Variants in PRPF38A observed in about 807,000 individuals in gnomAD.
PRPF38A encodes the protein pre-mRNA-splicing factor 38A.
Under a neutral mutation model 46.8 loss-of-function variants are expected in PRPF38A, and 11 were observed. That is an observed-to-expected ratio of 0.24 (90% CI 0.15 to 0.39). The LOEUF (loss-of-function observed/expected upper bound fraction) is 0.39. Among genes scored for constraint, PRPF38A ranks in the 10% least tolerant of loss-of-function variants. The probability of loss-of-function intolerance (pLI) is 1.00; values close to 1 mark genes in which losing one functional copy is unlikely to be tolerated. For missense variants in PRPF38A, 261 were observed against 407.5 expected (o/e 0.64, Z 3.10); for synonymous variants, 124 against 136.2 (o/e 0.91, Z 0.62).
Position 52,418,213 on chromosome 1 carries a change from G to A in PRPF38A, c.*1523G>A, listed in dbSNP as rs575641697. 15 of 152,606 alleles carry A rather than the reference G, an allele frequency of 9.8e-5. No individual in the cohort carries two copies. The highest frequency in any genetic ancestry group is 4.1e-4 in the South Asian group (2 of 4,824). The allele number at this position is 152,606 out of a possible 1,614,324, so 9.5% of individuals were successfully genotyped here. A position where few individuals can be genotyped will look rare whatever the true frequency, so the allele number is the denominator to read the frequency against. ...TTCATATTCTTCAATGGTTCCTTTC[G>A]TAATACCTGAGTTAATAAAAGTGGT... On this transcript the variant is annotated 3_prime_UTR_variant, in exon 10 of 10. Coordinates refer to ENST00000257181, the MANE Select transcript of PRPF38A (RefSeq NM_032864.4).
intron 3 of PRPF38A, among the ~76,000 whole-genome samples, chr1:52,410,502 T>C (rs988132993): frequency 6.9e-6 from 1 of 144,798 alleles, no homozygotes; most frequent in Non-Finnish European, 1.5e-5. Context: ...TATATAGACA[T>C]ATAATTTTTT....
chr1:52,405,693 C>G lies in PRPF38A; in HGVS notation c.144C>G (p.Val48=). 1 of 1,613,118 alleles carries G rather than the reference C, an allele frequency of 6.2e-7. No homozygotes were observed. The highest frequency in any genetic ancestry group is 8.5e-7 in the Non-Finnish European group (1 of 1,179,940). ...TTTGTTTTTTAGCTGAACTTGTAGT[C>G]GATAAAGCCATGGAGTTAAGGTTTG... is the stretch of plus-strand genomic sequence containing the variant. ...ECFGLTAELV[V]DKAMELRFVG... is the part of the protein sequence containing the mutation. Residue 48 remains valine, a synonymous_variant, in exon 2 of 10, where the codon GTC becomes GTG. Transcript: ENST00000257181.
chr1:52,407,014 G>C (rs1648014528), intron 2 of PRPF38A, among the ~76,000 whole-genome samples: 1 of 152,116 alleles, frequency 6.6e-6, no homozygotes, highest in Non-Finnish European at 1.5e-5. Context: ...AAAGGGAAGA[G>C]GAACAACTCT....
intron 8 of PRPF38A, among the ~76,000 whole-genome samples, chr1:52,415,083 A>G (rs1648252414): frequency 6.6e-6 from 1 of 152,260 alleles, no homozygotes; most frequent in African/African-American, 2.4e-5. Context: ...AAGATCTAAC[A>G]TAATAGTGAA....
chr1:52,415,428 A>G (rs902398534), intron 9 of PRPF38A, 42 bp downstream of exon 9: 3 of 1,539,350 alleles, frequency 1.9e-6, no homozygotes, highest in Admixed American at 1.7e-5. Context: ...GAAATAGTCC[A>G]AATTACAACT....
At position 52,413,855 on chromosome 1, in the gene PRPF38A, A is replaced by G. The variant is rs144680072; in HGVS notation, c.610-24A>G. 1,092 of 1,493,728 alleles carry G rather than the reference A, an allele frequency of 7.3e-4. 8 individuals carry two copies. The African/African-American group carries it at 0.012, about 17-fold the overall frequency. The allele number at this position is 1,493,728 out of a possible 1,614,324, so 92.5% of individuals were successfully genotyped here. ...GCTCTTTATAAGCCTGTGCCTTTCA[A>G]TGACCCAATCATCTTGTTTCCAGTT... On this transcript the variant is annotated intron_variant, in intron 5 of 9. Coordinates refer to ENST00000257181, the MANE Select transcript of PRPF38A (RefSeq NM_032864.4).
At chr1:52,408,745 C>T in intron 3 of PRPF38A, 55 bp downstream of exon 3, 5 of 1,593,394 alleles carry the variant, frequency 3.1e-6, no homozygotes, top group Non-Finnish European at 4.3e-6. Context: ...TTTTATTTTA[C>T]CAGTACTTCT....
At chr1:52,413,331 A>G (rs1557593270) in intron 5 of PRPF38A, among the ~76,000 whole-genome samples, 1 of 152,214 alleles carries the variant, frequency 6.6e-6, no homozygotes, top group Non-Finnish European at 1.5e-5. Flanking sequence ...TGTCAACCGC[A>G]TAGTCATGTT....
intron 1 of PRPF38A, 77 bp downstream of exon 1, chr1:52,404,956 G>A (rs959680371): frequency 8.4e-6 from 13 of 1,552,378 alleles, no homozygotes; most frequent in South Asian, 5.9e-5. Flanking sequence ...TAGGACTAGC[G>A]ACTGGCCTCT....
chr1:52,406,274 G>A (rs1647993275), intron 2 of PRPF38A, among the ~76,000 whole-genome samples: 1 of 152,112 alleles, frequency 6.6e-6, no homozygotes, highest in South Asian at 2.1e-4. Context: ...TTACAGGCAT[G>A]AGCCACCACA....
At chr1:52,414,900 A>G (rs1648247276) in intron 8 of PRPF38A, 41 bp downstream of exon 8, 3 of 1,597,630 alleles carry the variant, frequency 1.9e-6, no homozygotes, top group Non-Finnish European at 2.6e-6. Context: ...GTCTTAACAA[A>G]GAAATGTAAA....
At chr1:52,408,923 T>G in intron 3 of PRPF38A, 1 of 410,134 alleles carries the variant, frequency 2.4e-6, no homozygotes, top group Non-Finnish European at 4.4e-6. Flanking sequence ...GTGCATCTTA[T>G]GTTAATCCCT....
chr1:52,419,438 C>T lies in PRPF38A; in HGVS notation c.*2748C>T, dbSNP rs1292600409. The T allele has an allele frequency of 6.6e-6, 1 of 151,544 alleles. No individual in the cohort carries two copies. Among genetic ancestry groups the T allele is most frequent in the East Asian group, 1.9e-4 (1 of 5,176 alleles). 9.4% of individuals were successfully genotyped at this position (151,544 alleles called of 1,614,324 possible). On this transcript the variant is annotated 3_prime_UTR_variant, in exon 10 of 10. Coordinates refer to ENST00000257181, the MANE Select transcript of PRPF38A (RefSeq NM_032864.4). The stretch of plus-strand genomic sequence containing the variant: ...ACAACCCAACTTCAAGCTCATTCCT[C>T]TAACCTCTTCCTGTTTGTTATTCTT...
intron 2 of PRPF38A, among the ~76,000 whole-genome samples, chr1:52,407,249 C>A (rs144774254): frequency 1.2e-3 from 189 of 152,344 alleles, no homozygotes; most frequent in African/African-American, 4.3e-3. Context: ...GATCTCCTGA[C>A]CCGGTGACCC....
chr1:52,415,334 C>T lies in PRPF38A; in HGVS notation c.848-4C>T, dbSNP rs1245336499. ...ATCTTATGCAATGGCCTTTTCTTCCCCAGGTCATCACCGTAGTCACAGACA... is the reference window on the plus strand; with the variant it reads ...ATCTTATGCAATGGCCTTTTCTTCCTCAGGTCATCACCGTAGTCACAGACA... On this transcript the variant is annotated splice_region_variant and splice_polypyrimidine_tract_variant and intron_variant, in intron 8 of 9. Coordinates refer to ENST00000257181, the MANE Select transcript of PRPF38A (RefSeq NM_032864.4). The T allele has an allele frequency of 8.1e-6, 13 of 1,613,650 alleles. No individual in the cohort carries two copies. Among genetic ancestry groups the T allele is most frequent in the East Asian group, 6.7e-5 (3 of 44,852 alleles).
chr1:52,408,798 T>G, intron 3 of PRPF38A, 108 bp downstream of exon 3: 4 of 1,317,016 alleles, frequency 3.0e-6, no homozygotes, highest in Admixed American at 2.0e-5. Flanking sequence ...CCTTTTCATC[T>G]ACATTGTTAC....
In PRPF38A at chr1:52,416,793, G is replaced by T. The variant is rs765538210; in HGVS notation, c.*103G>T. 2.2e-6 allele frequency: 2 copies of T among 900,004 alleles called. No homozygotes were observed. Among genetic ancestry groups the T allele is most frequent in the East Asian group, 5.1e-5 (2 of 39,504 alleles). The allele number at this position is 900,004 out of a possible 1,614,324, so 55.8% of individuals were successfully genotyped here. On this transcript the variant is annotated 3_prime_UTR_variant, in exon 10 of 10. Coordinates refer to ENST00000257181, the MANE Select transcript of PRPF38A (RefSeq NM_032864.4). ...CCCAGGCAGCTATAAGAATATTTTA[G>T]TTTTTTTCTTATCAAGTTTCTCAAC...
chr1:52,410,417 C>T (rs921218325), intron 3 of PRPF38A, among the ~76,000 whole-genome samples: 1 of 150,408 alleles, frequency 6.6e-6, no homozygotes, highest in African/African-American at 2.4e-5. Flanking sequence ...TTAGTTTTCT[C>T]CTATGTAAAG....
In PRPF38A at chr1:52,414,868, T is replaced by G; in HGVS notation, c.847+9T>G. 2 of 1,613,734 alleles carry G rather than the reference T, an allele frequency of 1.2e-6. No homozygotes were observed. ...CCGTTCCAAGTCCCCAGGTAAAGCT[T>G]GTGGGCCTTTTGCCACAGGTTGTCT... On this transcript the variant is annotated intron_variant, in intron 8 of 9. Transcript: ENST00000257181.
Sources: allele counts gnomAD v4.1 joint callset (sites outside exome capture counted in the v4.1 genomes callset), GRCh38; gene constraint gnomAD v4.1.1; transcripts MANE v1.5; gene names NCBI Gene and HGNC (gene_info 2026-07-23, HGNC 2026-07-21).